The following SRGAP3 variants were observed in gnomAD, a reference collection of about 807,000 sequenced individuals.
The protein encoded by SRGAP3 is SLIT-ROBO Rho GTPase activating protein 3, also known as SLIT-ROBO Rho GTPase-activating protein 3.
Under a neutral mutation model 121.1 loss-of-function variants are expected in SRGAP3, and 39 were observed. That is an observed-to-expected ratio of 0.32 (90% CI 0.25 to 0.42). The LOEUF (loss-of-function observed/expected upper bound fraction) is 0.42. Ranked by LOEUF, SRGAP3 falls within the 10% of genes least tolerant of loss-of-function variation. The pLI is 1.00. For missense variants in SRGAP3, 1,213 were observed against 1,470.6 expected (o/e 0.82, Z 2.86); for synonymous variants, 601 against 570.0 (o/e 1.05, Z -0.77).
intron 1 of SRGAP3, among the ~76,000 whole-genome samples, chr3:9,347,341 A>T (rs1297130638): frequency 6.6e-6 from 1 of 152,184 alleles, no homozygotes; most frequent in Admixed American, 6.5e-5. Flanking sequence ...GTAGGCATAC[A>T]TCTATGTATA....
intron 3 of SRGAP3, among the ~76,000 whole-genome samples, chr3:9,255,847 G>A (rs756661432): frequency 1.3e-5 from 2 of 152,166 alleles, no homozygotes; most frequent in East Asian, 3.9e-4. Context: ...TTCTCATTTA[G>A]TATCATGATC....
intron 1 of SRGAP3, among the ~76,000 whole-genome samples, chr3:9,332,836 G>A (rs1955632529): frequency 1.3e-5 from 2 of 152,120 alleles, no homozygotes; most frequent in Non-Finnish European, 2.9e-5. Flanking sequence ...ATAGACTCGT[G>A]AGCAACGGAA....
rs781242763 is a variant in SRGAP3 at position 8,984,910 on chromosome 3, G to A, written c.*609C>T. On this transcript the variant is annotated 3_prime_UTR_variant, in exon 22 of 22. Coordinates refer to ENST00000383836, the MANE Select transcript of SRGAP3 (RefSeq NM_014850.4). ...AGGTTAGTGGTATATTGCTTCATTC[G>A]CAGTTACTATGGGCCTTTAAGTTCT... The A allele has an allele frequency of 1.8e-5, 4 of 228,400 alleles. No homozygotes were observed. The highest frequency in any genetic ancestry group is 3.7e-4 in the South Asian group (2 of 5,462). 14.1% of individuals were successfully genotyped at this position (228,400 alleles called of 1,614,324 possible).
chr3:9,255,667 A>G (rs867627344), intron 3 of SRGAP3, among the ~76,000 whole-genome samples: 2 of 152,038 alleles, frequency 1.3e-5, no homozygotes, highest in South Asian at 2.1e-4. Flanking sequence ...AACAATCCAC[A>G]TGGCCCCAAG....
At chr3:9,319,665 G>A (rs1185297646) in intron 3 of SRGAP3, among the ~76,000 whole-genome samples, 1 of 151,862 alleles carries the variant, frequency 6.6e-6, no homozygotes, top group African/African-American at 2.4e-5. Flanking sequence ...AAACCAAAGC[G>A]ATCTGAATCC....
At chr3:9,305,417 T>G (rs529607626) in intron 3 of SRGAP3, among the ~76,000 whole-genome samples, 9 of 151,774 alleles carry the variant, frequency 5.9e-5, no homozygotes, top group Admixed American at 3.9e-4. Context: ...TTATTTTTAT[T>G]TTTTTATTAT....
At chr3:9,110,555 C>T (rs1948587089) in intron 2 of SRGAP3, among the ~76,000 whole-genome samples, 1 of 152,216 alleles carries the variant, frequency 6.6e-6, no homozygotes, top group Non-Finnish European at 1.5e-5. Flanking sequence ...TGGCGCCTCC[C>T]CTCCTGCTTC....
intron 1 of SRGAP3, among the ~76,000 whole-genome samples, chr3:9,348,238 C>A (rs1955942367): frequency 1.3e-5 from 2 of 152,212 alleles, no homozygotes; most frequent in Admixed American, 6.5e-5. Flanking sequence ...GAAATGACAT[C>A]TATGAGAGTC....
In SRGAP3 at chr3:9,060,330, C is replaced by G; in HGVS notation, c.702G>C (p.Leu234=). The change falls in exon 6 of 22, where the codon CTG becomes CTC. Residue 234 remains leucine (L), a synonymous_variant. Transcript: ENST00000383836. Reference sequence around the variant, plus strand: ...AGTCATTCCGGGCCTTTGTGCATTTCAGCTTGTTCTCAGAGTACTTGGCCT... The same window carrying G: ...AGTCATTCCGGGCCTTTGTGCATTTGAGCTTGTTCTCAGAGTACTTGGCCT... ...KRQAKYSENK[L]KCTKARNDYL... 6.2e-7 allele frequency: 1 copy of G among 1,613,706 alleles called. No homozygotes were observed. The highest frequency in any genetic ancestry group is 8.5e-7 in the Non-Finnish European group (1 of 1,179,808).
rs986218769 is a variant in SRGAP3, at chr3:9,347,896, T to C, written n.214+14944A>G. On this transcript the variant is annotated intron_variant and non_coding_transcript_variant, in intron 1 of 3. Coordinates refer to the SRGAP3 transcript ENST00000490889. ...TGAGTAATACATTTCCATTCCCGTA[T>C]GGAGGAAGAGAAGAGAAAATTGGCT... Among the ~76,000 whole-genome samples the C allele has an allele frequency of 9.2e-5, 14 of 152,322 alleles. No individual in the cohort carries two copies. In the South Asian group the frequency reaches 2.5e-3, roughly 27 times the overall value.
At chr3:9,156,049 T>G (rs2668355) in intron 1 of SRGAP3, among the ~76,000 whole-genome samples, 66,789 of 151,582 alleles carry the variant, frequency 0.44, 15,118 homozygotes, top group Non-Finnish European at 0.49. Context: ...TCTCCTGACC[T>G]CGTGATCCAC....
intron 3 of SRGAP3, among the ~76,000 whole-genome samples, chr3:9,266,971 A>G (rs1240258469): frequency 6.6e-6 from 1 of 152,184 alleles, no homozygotes; most frequent in Non-Finnish European, 1.5e-5. Context: ...GAACCAAGTC[A>G]GTGTTAGGTC....
At chr3:9,049,600 G>A in intron 9 of SRGAP3, 4 of 425,472 alleles carry the variant, frequency 9.4e-6, no homozygotes, top group Admixed American at 5.0e-5. Context: ...TTCTCCAAGT[G>A]TGGGGCAGAG....
intron 3 of SRGAP3, among the ~76,000 whole-genome samples, chr3:9,322,058 A>T (rs1206290383): frequency 6.6e-6 from 1 of 151,738 alleles, no homozygotes; most frequent in Admixed American, 6.5e-5. Context: ...GGAAGCACTG[A>T]TCTTGGAGAT....
chr3:9,281,574 G>T (rs1033045510), intron 3 of SRGAP3, among the ~76,000 whole-genome samples: 2 of 152,050 alleles, frequency 1.3e-5, no homozygotes, highest in African/African-American at 4.8e-5. Context: ...CTATTATTAT[G>T]AAAAGGCAAA....
At chr3:9,105,657 G>A (rs1256954689) in intron 2 of SRGAP3, among the ~76,000 whole-genome samples, 1 of 152,044 alleles carries the variant, frequency 6.6e-6, no homozygotes, top group Admixed American at 6.6e-5. Context: ...GCCCTCCAGG[G>A]GATTCGGATA....
At chr3:9,023,037 T>C (rs765036279) in intron 14 of SRGAP3, among the ~76,000 whole-genome samples, 6 of 152,090 alleles carry the variant, frequency 3.9e-5, no homozygotes, top group African/African-American at 7.2e-5. Flanking sequence ...TAAAAAGCAG[T>C]GCTACCAGAG....
At chr3:8,990,447 C>G in intron 21 of SRGAP3, 65 bp downstream of exon 21, 1 of 1,542,588 alleles carries the variant, frequency 6.5e-7, no homozygotes. Context: ...CCCCGCTCCA[C>G]GGATTCCCAC....
At chr3:9,286,235 A>G (rs1398803951) in intron 3 of SRGAP3, among the ~76,000 whole-genome samples, 1 of 151,892 alleles carries the variant, frequency 6.6e-6, no homozygotes, top group Non-Finnish European at 1.5e-5. Context: ...AGATCTGTAT[A>G]CTTTCTTCTC....
Sources: allele counts gnomAD v4.1 joint callset (sites outside exome capture counted in the v4.1 genomes callset), GRCh38; gene constraint gnomAD v4.1.1; transcripts MANE v1.5; gene names NCBI Gene and HGNC (gene_info 2026-07-23, HGNC 2026-07-21).